NPVF: variants seen among roughly 807,000 people sequenced by gnomAD.
NPVF encodes pro-FMRFamide-related neuropeptide VF.
NPVF carries 17 observed loss-of-function variants against 15.7 expected under a neutral mutation model. The observed-to-expected ratio is 1.08, with a 90% CI of 0.74 to 1.62. The LOEUF is 1.62. Among genes scored for constraint, NPVF ranks in the 40% most tolerant of loss-of-function variants. The pLI, the probability that NPVF is intolerant of heterozygous loss-of-function variation, is 0.00. For synonymous variants in NPVF, 70 were observed against 80.1 expected (o/e 0.87, Z 0.67); for missense variants, 270 against 225.2 (o/e 1.20, Z -1.27).
In NPVF at chr7:25,228,360, G is replaced by A; in HGVS notation, c.80C>T (p.Ala27Val). 1 of 1,551,560 alleles carries A rather than the reference G, an allele frequency of 6.4e-7. No individual in the cohort carries two copies. Among genetic ancestry groups the A allele is most frequent in the East Asian group, 2.3e-5 (1 of 44,290 alleles). ...AAGATTGGACATCACTAATTCATCT[G>A]CACAAAAAATGTTTGATGTTAACAA... ...SSLLTSNIFC[A>V]DELVMSNLHS... Residue 27 changes from alanine to valine, a missense_variant, in exon 1 of 3, where the codon GCA becomes GTA. By Grantham distance (64) the Ala-to-Val change is moderately conservative (BLOSUM62 0). Coordinates refer to ENST00000222674, the MANE Select transcript of NPVF (RefSeq NM_022150.3).
intron 2 of NPVF, among the ~76,000 whole-genome samples, chr7:25,225,918 T>C (rs1351612544): frequency 6.6e-6 from 1 of 152,038 alleles, no homozygotes; most frequent in East Asian, 1.9e-4. Flanking sequence ...ATGGGATAAG[T>C]ACCATGGAAA....
rs901563606 is a variant in NPVF at position 25,224,990 on chromosome 7, T to C, written c.*132A>G. On this transcript the variant is annotated 3_prime_UTR_variant, in exon 3 of 3. Transcript: ENST00000222674. ...AACTTTCAAGATACTATTATAGCTG[T>C]ACTGACAAGGAAAAATTGCCGTTGA... 6 of 676,784 alleles carry C rather than the reference T, an allele frequency of 8.9e-6. No individual in the cohort carries two copies. The highest frequency in any genetic ancestry group is 1.6e-5 in the Non-Finnish European group (6 of 385,894). The allele number at this position is 676,784 out of a possible 1,614,324, so 41.9% of individuals were successfully genotyped here. A position where few individuals can be genotyped will look rare whatever the true frequency, so the allele number is the denominator to read the frequency against.
Position 25,226,806 on chromosome 7 carries a change from A to T in NPVF, c.359T>A (p.Leu120His). 2 of 1,614,082 alleles carry T rather than the reference A, an allele frequency of 1.2e-6. No individual in the cohort carries two copies. Among genetic ancestry groups the T allele is most frequent in the Non-Finnish European group, 1.7e-6 (2 of 1,179,974 alleles). ...GGGCAGGTTAGGAACACGTCTCACG[A>T]GGCTCACCTCCATATTTCTTCCAGA... ...LRSGRNMEVS[L>H]VRRVPNLPQR... Residue 120 changes from leucine (L) to histidine (H), a missense_variant, in exon 2 of 3, where the codon CTC (leucine) becomes CAC (histidine). Coordinates refer to ENST00000222674, the MANE Select transcript of NPVF (RefSeq NM_022150.3).
chr7:25,225,742 G>A (rs188352017), intron 2 of NPVF, among the ~76,000 whole-genome samples: 11 of 152,292 alleles, frequency 7.2e-5, no homozygotes, highest in Admixed American at 7.2e-4. Context: ...ACCCTCTGCA[G>A]GACCTTATTA....
rs774332658 is a variant in NPVF at position 25,224,857 on chromosome 7, G to GTC, written c.*263_*264dup. On this transcript the variant is annotated 3_prime_UTR_variant, in exon 3 of 3. Coordinates refer to ENST00000222674, the MANE Select transcript of NPVF (RefSeq NM_022150.3). Reference sequence around the variant, plus strand: ...TATAGGGTAGTGAGGAGGGTCCTCTGTCTCTCTCTCCATTATCAGAGATTT... The same window carrying GTC: ...TATAGGGTAGTGAGGAGGGTCCTCTGTCTCTCTCTCTCCATTATCAGAGATTT... The GTC allele has an allele frequency of 2.1e-5, 9 of 430,144 alleles. No individual in the cohort carries two copies. Among genetic ancestry groups the GTC allele is most frequent in the Middle Eastern group, 5.9e-4 (1 of 1,690 alleles). 26.6% of individuals were successfully genotyped at this position (430,144 alleles called of 1,614,324 possible). A position where few individuals can be genotyped will look rare whatever the true frequency, so the allele number is the denominator to read the frequency against.
chr7:25,228,237 A>T, intron 1 of NPVF, 65 bp downstream of exon 1: 5 of 1,127,308 alleles, frequency 4.4e-6, no homozygotes, highest in Non-Finnish European at 6.5e-6. Flanking sequence ...TTACAAAATC[A>T]TTAGACTTAG....
At position 25,224,900 on chromosome 7, in the gene NPVF, C is replaced by CTT; in HGVS notation, c.*220_*221dup. On this transcript the variant is annotated 3_prime_UTR_variant, in exon 3 of 3. Coordinates refer to ENST00000222674, the MANE Select transcript of NPVF (RefSeq NM_022150.3). ...AGAGATTTCTAAAGCATTTGCAATG[C>CTT]TTTTTTTTTATTCAGACAAAAATCA... 2.0e-6 allele frequency: 1 copy of CTT among 490,076 alleles called. No homozygotes were observed. Among genetic ancestry groups the CTT allele is most frequent in the South Asian group, 3.4e-5 (1 of 29,274 alleles). The allele number at this position is 490,076 out of a possible 1,614,324, so 30.4% of individuals were successfully genotyped here.
chr7:25,224,608 T>C lies in NPVF; in HGVS notation c.*514A>G, dbSNP rs1783101373. On this transcript the variant is annotated 3_prime_UTR_variant, in exon 3 of 3. Coordinates refer to ENST00000222674, the MANE Select transcript of NPVF (RefSeq NM_022150.3). ...CTAAAGTCTAAGAGTTTTTATTTTG[T>C]AGTTTTACACAGACATTTACATTTC... 1 of 152,466 alleles carries C rather than the reference T, an allele frequency of 6.6e-6. No homozygotes were observed. Among genetic ancestry groups the C allele is most frequent in the African/African-American group, 2.4e-5 (1 of 41,466 alleles). 9.4% of individuals were successfully genotyped at this position (152,466 alleles called of 1,614,324 possible).
chr7:25,226,858 C>A lies in NPVF; in HGVS notation c.307G>T (p.Gly103Ter), dbSNP rs180687047. Residue 103 changes from glycine (G) to a stop codon, truncating the protein, a stop_gained, in exon 2 of 3, where the codon GGA (glycine) becomes TGA (stop). Coordinates refer to ENST00000222674, the MANE Select transcript of NPVF (RefSeq NM_022150.3). LOFTEE classifies it high-confidence loss of function. ...CTCAGAGGCAGGTTGGCTGTTGCTCCAGCACTTCTTTCTTCTTGAACGTTC... is the reference window on the plus strand; with the variant it reads ...CTCAGAGGCAGGTTGGCTGTTGCTCAAGCACTTCTTTCTTCTTGAACGTTC... The part of the protein sequence containing the change: ...GRNVQEERSA[G>*]ATANLPLRSG... The A allele has an allele frequency of 1.9e-6, 3 of 1,614,180 alleles. No homozygotes were observed. The East Asian group carries it at 6.7e-5, about 36-fold the overall frequency.
intron 2 of NPVF, among the ~76,000 whole-genome samples, chr7:25,226,033 TA>T (rs201024775): frequency 5.9e-5 from 9 of 152,246 alleles, no homozygotes; most frequent in African/African-American, 2.2e-4. Flanking sequence ...CTACTTCATA[TA>T]AAAAAAATTT....
intron 2 of NPVF, among the ~76,000 whole-genome samples, chr7:25,225,811 C>T (rs1463122135): frequency 6.6e-6 from 1 of 152,182 alleles, no homozygotes; most frequent in African/African-American, 2.4e-5. Flanking sequence ...GTGGTAGACA[C>T]AGTTCTTAGG....
chr7:25,225,036 G>C lies in NPVF; in HGVS notation c.*86C>G, dbSNP rs1562548821. ...GTTGATGATCCATAGCTGATGAAGT[G>C]TATGTAGCTACTCTTCCGTGTGGTC... On this transcript the variant is annotated 3_prime_UTR_variant, in exon 3 of 3. Transcript: ENST00000222674. The C allele has an allele frequency of 9.1e-7, 1 of 1,095,600 alleles. No individual in the cohort carries two copies. Among genetic ancestry groups the C allele is most frequent in the African/African-American group, 1.6e-5 (1 of 63,296 alleles). The allele number at this position is 1,095,600 out of a possible 1,614,324, so 67.9% of individuals were successfully genotyped here.
rs983161434 is a variant in NPVF at position 25,225,068 on chromosome 7, A to G, written c.*54T>C. 6.7e-7 allele frequency: 1 copy of G among 1,498,984 alleles called. No individual in the cohort carries two copies. Among genetic ancestry groups the G allele is most frequent in the Non-Finnish European group, 9.2e-7 (1 of 1,081,732 alleles). 92.9% of individuals were successfully genotyped at this position (1,498,984 alleles called of 1,614,324 possible). On this transcript the variant is annotated 3_prime_UTR_variant, in exon 3 of 3. Coordinates refer to ENST00000222674, the MANE Select transcript of NPVF (RefSeq NM_022150.3). ...GCTACTCTTCCGTGTGGTCTTCGCT[A>G]TAGAGCCATTTGTAGATTACAGGCC...
intron 1 of NPVF, 38 bp from the exon 2 acceptor site, chr7:25,227,064 G>T (rs1783140465): frequency 1.9e-5 from 29 of 1,518,112 alleles, no homozygotes; most frequent in Non-Finnish European, 2.6e-5. Flanking sequence ...ACATACTGTT[G>T]TTATAAGCAA....
chr7:25,226,606 A>G lies in NPVF; in HGVS notation c.539+20T>C. The G allele has an allele frequency of 1.2e-6, 2 of 1,607,578 alleles. No individual in the cohort carries two copies. The highest frequency in any genetic ancestry group is 1.7e-6 in the Non-Finnish European group (2 of 1,175,536). On this transcript the variant is annotated intron_variant, in intron 2 of 2. Coordinates refer to ENST00000222674, the MANE Select transcript of NPVF (RefSeq NM_022150.3). ...TCTATATAACTGCCCATGCACTTTG[A>G]CTGGTTTCCAGGTATTTACCTTGAC...
rs192191315 is a variant in NPVF at position 25,225,504 on chromosome 7, G to A, written c.540-331C>T. Among the ~76,000 whole-genome samples the A allele has an allele frequency of 2.6e-4, 40 of 152,300 alleles. No individual in the cohort carries two copies. In the East Asian group the frequency reaches 4.1e-3, roughly 15 times the overall value. ...TGAATGACGCCCCAAGTCCTTGTCCGGGTCCTCAATATCTGCGCTCTCTGC... is the reference window on the plus strand; with the variant it reads ...TGAATGACGCCCCAAGTCCTTGTCCAGGTCCTCAATATCTGCGCTCTCTGC... On this transcript the variant is annotated intron_variant, in intron 2 of 2. Coordinates refer to ENST00000222674, the MANE Select transcript of NPVF (RefSeq NM_022150.3).
In NPVF at chr7:25,225,169, G is replaced by T. The variant is rs940616365; in HGVS notation, c.544C>A (p.Leu182Met). Residue 182 changes from leucine to methionine, a missense_variant, in exon 3 of 3, where the codon CTG becomes ATG. Physicochemically the swap from Leu to Met is conservative, Grantham distance 15. Transcript: ENST00000222674. ...QNPDQKQSRRLLFKKIDDAEL... is the reference protein window; with the variant it reads ...QNPDQKQSRRMLFKKIDDAEL... ...GCATCATCTATTTTCTTGAATAGCA[G>T]TCTCCTAAAATGTAAGCAGTATAAA... 1.9e-6 allele frequency: 3 copies of T among 1,611,626 alleles called. No homozygotes were observed. In the African/African-American group the frequency reaches 4.0e-5, roughly 22 times the overall value.
In NPVF at chr7:25,224,955, A is replaced by T. The variant is rs1260489472; in HGVS notation, c.*167T>A. On this transcript the variant is annotated 3_prime_UTR_variant, in exon 3 of 3. Coordinates refer to ENST00000222674, the MANE Select transcript of NPVF (RefSeq NM_022150.3). ...AACTTTACGTAACAAATATGCTTTA[A>T]TTTTTTTACAACTTTCAAGATACTA... The T allele has an allele frequency of 1.9e-6, 1 of 534,322 alleles. No individual in the cohort carries two copies. The highest frequency in any genetic ancestry group is 3.1e-5 in the South Asian group (1 of 32,248). 33.1% of individuals were successfully genotyped at this position (534,322 alleles called of 1,614,324 possible).
intron 1 of NPVF, 33 bp downstream of exon 1, chr7:25,228,269 G>GCTA: frequency 1.5e-6 from 2 of 1,299,530 alleles, no homozygotes; most frequent in Non-Finnish European, 2.2e-6. Context: ...TGTAATTAAT[G>GCTA]CTACTCACAT....
Sources: gnomAD v4.1 joint callset for allele counts (sites outside exome capture counted in the v4.1 genomes callset) on GRCh38, gnomAD v4.1.1 for gene constraint, MANE v1.5 for transcripts, NCBI Gene and HGNC (gene_info 2026-07-23, HGNC 2026-07-21) for gene names.